Variants in SORCS2 observed in about 807,000 individuals in gnomAD.
SORCS2 encodes the protein VPS10 domain-containing receptor SorCS2.
SORCS2 carries 100 observed loss-of-function variants against 141.6 expected under a neutral mutation model. The observed-to-expected ratio is 0.71, with a 90% CI of 0.60 to 0.83. The LOEUF (loss-of-function observed/expected upper bound fraction) is 0.83. Among genes scored for constraint, SORCS2 ranks in the 40% least tolerant of loss-of-function variants. SORCS2 has a pLI of 0.00. For synonymous variants in SORCS2, 789 were observed against 676.9 expected, an observed-to-expected ratio of 1.17 and a Z score of -2.57; for missense variants, 1,646 against 1,560.2, an observed-to-expected ratio of 1.05 and a Z score of -0.93.
intron 2 of SORCS2, among the ~76,000 whole-genome samples, chr4:7,446,455 TA>T (rs1204591961): frequency 1.3e-5 from 2 of 152,018 alleles, no homozygotes; most frequent in Non-Finnish European, 2.9e-5. Flanking sequence ...CATCATTGAG[TA>T]TTTGTGAGTG....
chr4:7,292,579 T>C (rs910612292), intron 1 of SORCS2, among the ~76,000 whole-genome samples: 1 of 152,228 alleles, frequency 6.6e-6, no homozygotes, highest in African/African-American at 2.4e-5. Context: ...TTCTCCTTTA[T>C]TTGCTCTTTT....
intron 2 of SORCS2, among the ~76,000 whole-genome samples, chr4:7,404,735 T>C (rs1217429936): frequency 6.6e-6 from 1 of 152,196 alleles, no homozygotes; most frequent in East Asian, 1.9e-4. Flanking sequence ...TTTGAGTTCC[T>C]TATAAAGTCT....
At chr4:7,497,189 A>G (rs1351993889) in intron 2 of SORCS2, among the ~76,000 whole-genome samples, 1 of 152,132 alleles carries the variant, frequency 6.6e-6, no homozygotes, top group Non-Finnish European at 1.5e-5. Flanking sequence ...CCCCTGCCAC[A>G]CTCTGGTGTT....
At chr4:7,568,317 T>G (rs940096429) in intron 3 of SORCS2, among the ~76,000 whole-genome samples, 3 of 152,242 alleles carry the variant, frequency 2.0e-5, no homozygotes, top group Non-Finnish European at 4.4e-5. Context: ...TTAGCAAGTA[T>G]CTATGTCCTA....
chr4:7,258,347 C>G (rs2108817261), intron 1 of SORCS2, among the ~76,000 whole-genome samples: 1 of 152,238 alleles, frequency 6.6e-6, no homozygotes, highest in Non-Finnish European at 1.5e-5. Context: ...CCCTCTCTGT[C>G]CATGTGTTCT....
intron 1 of SORCS2, among the ~76,000 whole-genome samples, chr4:7,386,543 T>C (rs1577480760): frequency 1.3e-5 from 1 of 74,344 alleles, no homozygotes; most frequent in African/African-American, 5.8e-5. Context: ...CACATACAGG[T>C]ACACAGAGAT....
intron 1 of SORCS2, among the ~76,000 whole-genome samples, chr4:7,372,065 G>A (rs1183553791): frequency 6.6e-6 from 1 of 152,168 alleles, no homozygotes; most frequent in Non-Finnish European, 1.5e-5. Context: ...TGGGTCTTGG[G>A]ATATTCAGTC....
At position 7,697,236 on chromosome 4, in the gene SORCS2, A is replaced by G; in HGVS notation, c.1630A>G (p.Met544Val). ...GSQLVEYKEE[M>V]YITSDCGHTW... ...ACAGCTGGTGGAATATAAAGAAGAA[A>G]TGTACATCACGTCAGACTGTGGTCA... The change falls in exon 12 of 27, where the codon ATG becomes GTG. Residue 544 changes from methionine (M) to valine (V), a missense_variant. By Grantham distance (21) the Met-to-Val change is conservative. Coordinates refer to ENST00000507866, the MANE Select transcript of SORCS2 (RefSeq NM_020777.3). 1 of 1,591,906 alleles carries G rather than the reference A, an allele frequency of 6.3e-7. No individual in the cohort carries two copies. The highest frequency in any genetic ancestry group is 8.6e-7 in the Non-Finnish European group (1 of 1,169,474).
At chr4:7,686,490 C>T (rs1723879271) in intron 10 of SORCS2, among the ~76,000 whole-genome samples, 1 of 152,216 alleles carries the variant, frequency 6.6e-6, no homozygotes, top group Admixed American at 6.5e-5. Flanking sequence ...CCAGCTTGGC[C>T]TGCCTCCAGC....
rs75484970 is a variant in SORCS2 at position 7,521,461 on chromosome 4, C to T, written c.549-10069C>T. On this transcript the variant is annotated intron_variant, in intron 2 of 26. Coordinates refer to ENST00000507866, the MANE Select transcript of SORCS2 (RefSeq NM_020777.3). ...TCTGGAATTTTATTGAACAACTTCA[C>T]TGTCCCACAATTGCCCTGTGTCACC... Among the ~76,000 whole-genome samples the T allele has an allele frequency of 3.2e-3, 485 of 152,318 alleles. 9 individuals carry two copies. The East Asian group carries it at 0.063, about 20-fold the overall frequency.
At chr4:7,479,795 G>T (rs1305660448) in intron 2 of SORCS2, among the ~76,000 whole-genome samples, 2 of 152,256 alleles carry the variant, frequency 1.3e-5, no homozygotes, top group African/African-American at 2.4e-5. Context: ...AATGTCCAGT[G>T]GTGGGTGCAG....
At chr4:7,593,976 C>G (rs1256222049) in intron 3 of SORCS2, among the ~76,000 whole-genome samples, 1 of 152,206 alleles carries the variant, frequency 6.6e-6, no homozygotes, top group Non-Finnish European at 1.5e-5. Flanking sequence ...TCCTGACACC[C>G]TCCACTGGGA....
intron 2 of SORCS2, among the ~76,000 whole-genome samples, chr4:7,444,269 C>T (rs575668050): frequency 2.0e-5 from 3 of 152,144 alleles, no homozygotes; most frequent in East Asian, 3.9e-4. Flanking sequence ...TATATTCTAG[C>T]GGAGGAAGCA....
chr4:7,698,853 G>T (rs1577088660), intron 12 of SORCS2, among the ~76,000 whole-genome samples: 1 of 149,492 alleles, frequency 6.7e-6, no homozygotes, highest in Non-Finnish European at 1.5e-5. Flanking sequence ...GCTCCTGTGG[G>T]TTTTTTTTTA....
rs559357655 is a variant in SORCS2 at position 7,471,715 on chromosome 4, G to A, written c.549-59815G>A. On this transcript the variant is annotated intron_variant, in intron 2 of 26. Transcript: ENST00000507866. ...CCGGGAGTAGGCAGGTGTGGAAGAG[G>A]GACCCTCGGTGCTGCTGGCCCTGGC... Among the ~76,000 whole-genome samples the A allele has an allele frequency of 9.5e-4, 144 of 152,348 alleles. 1 individual carries two copies. In the Middle Eastern group the frequency reaches 0.01, roughly 11 times the overall value.
chr4:7,517,875 C>T (rs1370385738), intron 2 of SORCS2, among the ~76,000 whole-genome samples: 3 of 152,204 alleles, frequency 2.0e-5, no homozygotes, highest in Admixed American at 6.5e-5. Flanking sequence ...ACGCACAGCA[C>T]GTGGTAGGCA....
At chr4:7,404,670 G>A (rs1029199019) in intron 2 of SORCS2, among the ~76,000 whole-genome samples, 1 of 151,860 alleles carries the variant, frequency 6.6e-6, no homozygotes, top group East Asian at 1.9e-4. Context: ...ATGTCTATTT[G>A]TGTCCTTTGC....
At chr4:7,324,299 C>A (rs1039936114) in intron 1 of SORCS2, among the ~76,000 whole-genome samples, 1 of 152,322 alleles carries the variant, frequency 6.6e-6, no homozygotes, top group East Asian at 1.9e-4. Flanking sequence ...CTGCAGGGAG[C>A]TGAGACAGGG....
chr4:7,323,957 G>A (rs1210701501), intron 1 of SORCS2, among the ~76,000 whole-genome samples: 4 of 152,178 alleles, frequency 2.6e-5, no homozygotes, highest in Non-Finnish European at 4.4e-5. Context: ...AACATTTGCA[G>A]AGACCCCACT....
Sources: allele counts gnomAD v4.1 joint callset (sites outside exome capture counted in the v4.1 genomes callset), GRCh38; gene constraint gnomAD v4.1.1; transcripts MANE v1.5; gene names NCBI Gene and HGNC (gene_info 2026-07-23, HGNC 2026-07-21).